Variants in NR6A1 observed in about 807,000 individuals in gnomAD.
NR6A1 encodes retinoic acid receptor-related testis-associated receptor.
A neutral mutation model predicts 59.1 loss-of-function variants in NR6A1; 7 were observed. The observed-to-expected ratio is 0.12, with a 90% CI of 0.07 to 0.22. The LOEUF (loss-of-function observed/expected upper bound fraction) is 0.22, where lower values mean the gene tolerates loss of function less well. NR6A1 is among the 10% of genes least tolerant of loss of function. The pLI is 1.00. For missense variants in NR6A1, 468 were observed against 611.6 expected, an observed-to-expected ratio of 0.77 and a Z score of 2.48; for synonymous variants, 243 against 236.1, an observed-to-expected ratio of 1.03 and a Z score of -0.27.
intron 2 of NR6A1, among the ~76,000 whole-genome samples, chr9:124,574,140 G>C (rs1834525053): frequency 6.6e-6 from 1 of 152,150 alleles, no homozygotes; most frequent in South Asian, 2.1e-4. Context: ...TTCAAAGACA[G>C]GGACTATGTC....
At position 124,517,335 on chromosome 9, in the gene NR6A1, T is replaced by A. The variant is rs1368826700; in HGVS notation, c.*5370A>T. The stretch of plus-strand genomic sequence containing the variant: ...TACAGTACCTAACACTTGCTAAACA[T>A]GCATTTCACACTAATTGGTCACATT... On this transcript the variant is annotated 3_prime_UTR_variant, in exon 10 of 10. Coordinates refer to ENST00000487099, the MANE Select transcript of NR6A1 (RefSeq NM_033334.4). The A allele has an allele frequency of 1.3e-5, 2 of 152,286 alleles. No individual in the cohort carries two copies. Among genetic ancestry groups the A allele is most frequent in the Non-Finnish European group, 2.9e-5 (2 of 68,068 alleles). The allele number at this position is 152,286 out of a possible 1,614,324, so 9.4% of individuals were successfully genotyped here. A position where few individuals can be genotyped will look rare whatever the true frequency, so the allele number is the denominator to read the frequency against.
intron 7 of NR6A1, among the ~76,000 whole-genome samples, chr9:124,529,812 A>C (rs1480050062): frequency 6.6e-6 from 1 of 152,148 alleles, no homozygotes; most frequent in East Asian, 1.9e-4. Flanking sequence ...CTGGGAGTGA[A>C]GACCACTCCT....
At chr9:124,752,793 T>C (rs1189129656) in intron 1 of NR6A1, among the ~76,000 whole-genome samples, 2 of 148,906 alleles carry the variant, frequency 1.3e-5, no homozygotes, top group African/African-American at 5.0e-5. Context: ...AAAGATGAAA[T>C]CCTATCTCAC....
chr9:124,629,332 C>T (rs1387129862), intron 2 of NR6A1, among the ~76,000 whole-genome samples: 1 of 152,206 alleles, frequency 6.6e-6, no homozygotes, highest in East Asian at 1.9e-4. Flanking sequence ...TTTCCTGCAA[C>T]AAAGTGTGAC....
intron 1 of NR6A1, among the ~76,000 whole-genome samples, chr9:124,754,780 T>G (rs1314433916): frequency 1.3e-5 from 2 of 152,154 alleles, no homozygotes; most frequent in African/African-American, 2.4e-5. Flanking sequence ...ATGAGATCGA[T>G]GATATTAACA....
chr9:124,741,476 AC>A (rs1444339814), intron 1 of NR6A1, among the ~76,000 whole-genome samples: 1 of 152,242 alleles, frequency 6.6e-6, no homozygotes, highest in Non-Finnish European at 1.5e-5. Context: ...AATAAGACTG[AC>A]TACAGAGAAT....
At chr9:124,668,432 C>A (rs1029951138) in intron 2 of NR6A1, among the ~76,000 whole-genome samples, 2 of 152,120 alleles carry the variant, frequency 1.3e-5, no homozygotes, top group African/African-American at 2.4e-5. Flanking sequence ...GATTCAAATT[C>A]ATGTTGTTCA....
intron 2 of NR6A1, among the ~76,000 whole-genome samples, chr9:124,627,069 C>A (rs564485515): frequency 6.6e-6 from 1 of 152,282 alleles, no homozygotes; most frequent in East Asian, 1.9e-4. Context: ...TGGAAGAATA[C>A]AACATTTCTT....
At chr9:124,671,043 T>C (rs952088711) in intron 2 of NR6A1, among the ~76,000 whole-genome samples, 5 of 152,196 alleles carry the variant, frequency 3.3e-5, no homozygotes, top group South Asian at 2.1e-4. Context: ...ATTCTACTTA[T>C]ATAAGATATC....
chr9:124,594,781 C>T (rs184501667), intron 2 of NR6A1, among the ~76,000 whole-genome samples: 2 of 152,252 alleles, frequency 1.3e-5, no homozygotes, highest in East Asian at 3.9e-4. Context: ...CAGAGGGGGT[C>T]CCACTTCCCT....
chr9:124,578,076 C>T (rs564717564), intron 2 of NR6A1, among the ~76,000 whole-genome samples: 1 of 152,312 alleles, frequency 6.6e-6, no homozygotes, highest in African/African-American at 2.4e-5. Flanking sequence ...AGACAATAGT[C>T]TTCTGCTTTT....
At chr9:124,562,754 C>T (rs572783353) in intron 2 of NR6A1, among the ~76,000 whole-genome samples, 2 of 152,190 alleles carry the variant, frequency 1.3e-5, no homozygotes, top group South Asian at 2.1e-4. Context: ...ATGTCAAATT[C>T]AAAGGAAGTA....
intron 2 of NR6A1, among the ~76,000 whole-genome samples, chr9:124,581,317 G>A (rs985460400): frequency 1.3e-5 from 2 of 151,976 alleles, no homozygotes; most frequent in African/African-American, 2.4e-5. Flanking sequence ...ATCAGAGGCC[G>A]GGCACAGTGG....
intron 3 of NR6A1, among the ~76,000 whole-genome samples, chr9:124,551,885 C>A (rs1564175477): frequency 6.6e-6 from 1 of 152,224 alleles, no homozygotes; most frequent in African/African-American, 2.4e-5. Context: ...ACGGCAACTG[C>A]AATTTTAATC....
At chr9:124,568,418 G>A (rs931137011) in intron 2 of NR6A1, among the ~76,000 whole-genome samples, 2 of 151,642 alleles carry the variant, frequency 1.3e-5, no homozygotes, top group Non-Finnish European at 2.9e-5. Flanking sequence ...AGGAGGCGGA[G>A]GTTGCAGTGA....
intron 7 of NR6A1, among the ~76,000 whole-genome samples, chr9:124,534,581 T>C (rs1292972118): frequency 6.6e-6 from 1 of 152,102 alleles, no homozygotes; most frequent in African/African-American, 2.4e-5. Context: ...TGGGATAAAA[T>C]TTTATGCCAG....
At chr9:124,522,871 GAGGCAGAGTATC>G (rs1281462377) in intron 9 of NR6A1, 78 bp from the exon 10 acceptor site, 1 of 1,142,354 alleles carries the variant, frequency 8.8e-7, no homozygotes, top group Non-Finnish European at 1.3e-6. Context: ...TGGGCTGGTG[GAGGCAGAGTATC>G]ACCTTGCTGA....
intron 2 of NR6A1, among the ~76,000 whole-genome samples, chr9:124,645,714 A>C (rs1444512918): frequency 1.3e-5 from 2 of 152,222 alleles, no homozygotes; most frequent in African/African-American, 4.8e-5. Flanking sequence ...CAGATCCAGA[A>C]GGCAGAAATT....
intron 2 of NR6A1, among the ~76,000 whole-genome samples, chr9:124,630,078 G>A (rs1163955471): frequency 2.6e-5 from 4 of 152,186 alleles, no homozygotes; most frequent in Non-Finnish European, 5.9e-5. Flanking sequence ...GACAGTTCCA[G>A]ATCAAAGCAA....
Sources: gnomAD v4.1 joint callset for allele counts (sites outside exome capture counted in the v4.1 genomes callset) on GRCh38, gnomAD v4.1.1 for gene constraint, MANE v1.5 for transcripts, NCBI Gene and HGNC (gene_info 2026-07-23, HGNC 2026-07-21) for gene names.